Variants in UBE2R2 observed in about 807,000 individuals in gnomAD.
UBE2R2 encodes ubiquitin conjugating enzyme E2 R2.
Under a neutral mutation model 27.8 loss-of-function variants are expected in UBE2R2, and 1 was observed. That is an observed-to-expected ratio of 0.04 (90% CI 0.01 to 0.17). UBE2R2 has a LOEUF of 0.17. Ranked by LOEUF, UBE2R2 falls within the 10% of genes least tolerant of loss-of-function variation. The pLI is 1.00. For synonymous variants in UBE2R2, 106 were observed against 113.3 expected, an observed-to-expected ratio of 0.94 and a Z score of 0.41; for missense variants, 100 against 291.0, an observed-to-expected ratio of 0.34 and a Z score of 4.78.
At chr9:33,837,072 G>A (rs1820629859) in intron 1 of UBE2R2, among the ~76,000 whole-genome samples, 1 of 152,014 alleles carries the variant, frequency 6.6e-6, no homozygotes, top group Non-Finnish European at 1.5e-5. Context: ...TTAAACTCAT[G>A]TTTTTCAGCA....
At chr9:33,909,357 G>A (rs566736662) in intron 3 of UBE2R2, among the ~76,000 whole-genome samples, 12 of 151,876 alleles carry the variant, frequency 7.9e-5, no homozygotes, top group South Asian at 2.1e-4. Flanking sequence ...CTGTGGTGGC[G>A]CGCACCTGTA....
intron 1 of UBE2R2, among the ~76,000 whole-genome samples, chr9:33,828,424 C>T (rs1186238836): frequency 1.4e-5 from 2 of 144,862 alleles, no homozygotes; most frequent in Non-Finnish European, 3.0e-5. Flanking sequence ...GACAGTCTCA[C>T]TGTCGTCCAC....
chr9:33,897,410 C>T (rs1252406000), intron 2 of UBE2R2, among the ~76,000 whole-genome samples: 6 of 143,878 alleles, frequency 4.2e-5, no homozygotes, highest in East Asian at 4.1e-4. Flanking sequence ...CTCCGCCTCC[C>T]GGGTTCAAGT....
rs375782240 is a variant in UBE2R2, at chr9:33,900,129, A to G, written c.265-45A>G. ...TTAGAACCGATGTCCCTTTTTGTACATCACTTTTTGAGTATTTACTGAATG... is the reference window on the plus strand; with the variant it reads ...TTAGAACCGATGTCCCTTTTTGTACGTCACTTTTTGAGTATTTACTGAATG... On this transcript the variant is annotated intron_variant, in intron 2 of 4. Coordinates refer to ENST00000263228, the MANE Select transcript of UBE2R2 (RefSeq NM_017811.4). 1.6e-4 allele frequency: 237 copies of G among 1,502,214 alleles called. No homozygotes were observed. In the Middle Eastern group the frequency reaches 6.2e-3, roughly 39 times the overall value. 93.1% of individuals were successfully genotyped at this position (1,502,214 alleles called of 1,614,324 possible).
At chr9:33,820,652 ATGTTAGTCC>A (rs1563978377) in intron 1 of UBE2R2, among the ~76,000 whole-genome samples, 2 of 152,240 alleles carry the variant, frequency 1.3e-5, no homozygotes, top group African/African-American at 4.8e-5. Flanking sequence ...CCCTTATTAA[ATGTTAGTCC>A]TTGAACATTT....
At chr9:33,876,789 G>C (rs925369472) in intron 1 of UBE2R2, among the ~76,000 whole-genome samples, 1 of 152,014 alleles carries the variant, frequency 6.6e-6, no homozygotes, top group African/African-American at 2.4e-5. Flanking sequence ...GGTGGAGGGC[G>C]CCTCTAGTCC....
At chr9:33,843,282 C>G (rs1270798190) in intron 1 of UBE2R2, among the ~76,000 whole-genome samples, 1 of 151,572 alleles carries the variant, frequency 6.6e-6, no homozygotes, top group African/African-American at 2.4e-5. Flanking sequence ...CTCCTAACCT[C>G]AGGTGGTTTG....
chr9:33,916,623 T>C (rs889064702), intron 4 of UBE2R2, among the ~76,000 whole-genome samples: 2 of 152,220 alleles, frequency 1.3e-5, no homozygotes, highest in Non-Finnish European at 2.9e-5. Flanking sequence ...CTGGCAGTTA[T>C]CCCTGTGCTT....
At chr9:33,887,301 A>G (rs879499528) in intron 2 of UBE2R2, among the ~76,000 whole-genome samples, 2 of 152,204 alleles carry the variant, frequency 1.3e-5, no homozygotes, top group African/African-American at 2.4e-5. Context: ...TTGTGTGCCT[A>G]TCCTCTAACT....
At chr9:33,843,939 A>G (rs1381256026) in intron 1 of UBE2R2, among the ~76,000 whole-genome samples, 3 of 152,196 alleles carry the variant, frequency 2.0e-5, no homozygotes, top group Non-Finnish European at 1.5e-5. Flanking sequence ...TTAAAAATCT[A>G]TTAAGAGGTA....
At chr9:33,877,985 G>A (rs1228724242) in intron 1 of UBE2R2, among the ~76,000 whole-genome samples, 1 of 151,748 alleles carries the variant, frequency 6.6e-6, no homozygotes, top group Non-Finnish European at 1.5e-5. Context: ...TTGAACTCAT[G>A]ACCTCAGGTG....
intron 3 of UBE2R2, among the ~76,000 whole-genome samples, chr9:33,905,656 G>A (rs778429156): frequency 2.0e-5 from 3 of 152,180 alleles, no homozygotes; most frequent in Non-Finnish European, 2.9e-5. Context: ...ATGTAAACCC[G>A]TTAAGCTACT....
At chr9:33,857,350 A>T (rs926668598) in intron 1 of UBE2R2, among the ~76,000 whole-genome samples, 1 of 151,606 alleles carries the variant, frequency 6.6e-6, no homozygotes, top group Non-Finnish European at 1.5e-5. Context: ...ATGGAGTCTC[A>T]CTCTGTTGCC....
rs1822659975 is a variant in UBE2R2, at chr9:33,916,930, T to A, written c.498-88T>A. The A allele has an allele frequency of 2.6e-6, 4 of 1,528,476 alleles. No individual in the cohort carries two copies. The South Asian group carries it at 5.3e-5, about 20-fold the overall frequency. 94.7% of individuals were successfully genotyped at this position (1,528,476 alleles called of 1,614,324 possible). ...TACTGAAGTTTGGAGAGCTGAGTCA[T>A]AAGTAATATTGATTATTTAAGGCCA... is the stretch of plus-strand genomic sequence containing the variant. On this transcript the variant is annotated intron_variant, in intron 4 of 4. Coordinates refer to ENST00000263228, the MANE Select transcript of UBE2R2 (RefSeq NM_017811.4).
chr9:33,885,458 C>T (rs1239637873), intron 1 of UBE2R2, among the ~76,000 whole-genome samples: 1 of 152,194 alleles, frequency 6.6e-6, no homozygotes, highest in Non-Finnish European at 1.5e-5. Flanking sequence ...ATTGGCCAAG[C>T]TCCAAATCCA....
intron 1 of UBE2R2, among the ~76,000 whole-genome samples, chr9:33,830,088 C>T (rs879530273): frequency 3.3e-5 from 5 of 151,684 alleles, no homozygotes; most frequent in Non-Finnish European, 5.9e-5. Flanking sequence ...TGAGCCACCG[C>T]GCCCAGCCTA....
chr9:33,883,727 A>G (rs1821784856), intron 1 of UBE2R2, among the ~76,000 whole-genome samples: 1 of 151,302 alleles, frequency 6.6e-6, no homozygotes, highest in African/African-American at 2.4e-5. Context: ...AAAAAAAAAA[A>G]AAAAGAAATA....
intron 1 of UBE2R2, among the ~76,000 whole-genome samples, chr9:33,866,704 C>T (rs929552173): frequency 2.0e-5 from 3 of 152,162 alleles, no homozygotes; most frequent in Non-Finnish European, 1.5e-5. Context: ...TGTTCTCTTA[C>T]AGAACCATCT....
intron 1 of UBE2R2, among the ~76,000 whole-genome samples, chr9:33,836,313 A>G (rs1032689011): frequency 2.6e-5 from 4 of 152,186 alleles, no homozygotes; most frequent in African/African-American, 9.7e-5. Context: ...CAAGTATACC[A>G]TTTTTGTGTA....
Sources: allele counts gnomAD v4.1 joint callset (sites outside exome capture counted in the v4.1 genomes callset), GRCh38; gene constraint gnomAD v4.1.1; transcripts MANE v1.5; gene names NCBI Gene and HGNC (gene_info 2026-07-23, HGNC 2026-07-21).